TNIK: variants seen among roughly 807,000 people sequenced by gnomAD.
TNIK encodes TRAF2 and NCK interacting kinase, also known as TRAF2 and NCK-interacting protein kinase.
Under a neutral mutation model 191.3 loss-of-function variants are expected in TNIK, and 49 were observed. The observed-to-expected ratio is 0.26, with a 90% CI of 0.20 to 0.32. The LOEUF (loss-of-function observed/expected upper bound fraction) is 0.32, where lower values mean the gene tolerates loss of function less well. TNIK is among the 10% of genes least tolerant of loss of function. TNIK has a pLI of 1.00. For synonymous variants in TNIK, 594 were observed against 600.9 expected (o/e 0.99, Z 0.17); for missense variants, 1,155 against 1,702.3 (o/e 0.68, Z 5.66).
At chr3:171,446,099 T>C (rs1401879918) in intron 1 of TNIK, among the ~76,000 whole-genome samples, 1 of 152,214 alleles carries the variant, frequency 6.6e-6, no homozygotes, top group East Asian at 1.9e-4. Context: ...GAACTCTAAC[T>C]TTCCCATCAT....
intron 2 of TNIK, among the ~76,000 whole-genome samples, chr3:171,342,105 CAT>C (rs1757592938): frequency 6.6e-6 from 1 of 152,172 alleles, no homozygotes; most frequent in Non-Finnish European, 1.5e-5. Flanking sequence ...TTATGTTACT[CAT>C]ATAAATTACG....
At chr3:171,171,487 C>G (rs911684676) in intron 9 of TNIK, among the ~76,000 whole-genome samples, 1 of 152,226 alleles carries the variant, frequency 6.6e-6, no homozygotes, top group African/African-American at 2.4e-5. Context: ...TGGGCCTGCA[C>G]ACCTGCATCT....
chr3:171,221,352 C>A (rs1460740823), intron 3 of TNIK, among the ~76,000 whole-genome samples: 1 of 152,144 alleles, frequency 6.6e-6, no homozygotes, highest in Non-Finnish European at 1.5e-5. Context: ...ACCTGAAGGT[C>A]AAGCTCCCAA....
In TNIK at chr3:171,452,673, T is replaced by C. The variant is rs552692417; in HGVS notation, c.57+7334A>G. On this transcript the variant is annotated intron_variant, in intron 1 of 32. Coordinates refer to ENST00000436636, the MANE Select transcript of TNIK (RefSeq NM_015028.4). Reference sequence around the variant, plus strand: ...TTCCCGCCCATCTATTACTGTTTAATCAAAACAGCAGTCATAAGTATTATC... The same window carrying C: ...TTCCCGCCCATCTATTACTGTTTAACCAAAACAGCAGTCATAAGTATTATC... 2.0e-5 allele frequency among the ~76,000 whole-genome samples: 3 copies of C among 150,940 alleles called. No homozygotes were observed. The South Asian group carries it at 6.3e-4, about 32-fold the overall frequency.
rs927536202 is a variant in TNIK, at chr3:171,178,761, C to T, written c.640-1381G>A. ...AATATAGATATTTCATTTTAAATAC[C>T]TCATGCATTTTGTACATTTTTCAAA... On this transcript the variant is annotated intron_variant, in intron 7 of 32. Coordinates refer to ENST00000436636, the MANE Select transcript of TNIK (RefSeq NM_015028.4). 2.0e-5 allele frequency among the ~76,000 whole-genome samples: 3 copies of T among 152,184 alleles called. No individual in the cohort carries two copies. The South Asian group carries it at 6.2e-4, about 32-fold the overall frequency.
At chr3:171,392,287 T>C (rs1445256612) in intron 1 of TNIK, among the ~76,000 whole-genome samples, 5 of 152,140 alleles carry the variant, frequency 3.3e-5, no homozygotes, top group African/African-American at 1.2e-4. Context: ...GAAAACTGTA[T>C]ATTGAAAAGG....
chr3:171,157,514 G>A lies in TNIK; in HGVS notation c.1167C>T (p.Ala389=), dbSNP rs367602557. Residue 389 remains alanine, a synonymous_variant, in exon 12 of 33, where the codon GCC becomes GCT. Coordinates refer to ENST00000436636, the MANE Select transcript of TNIK (RefSeq NM_015028.4). The part of the protein sequence containing the change: ...ENEEHKRQLL[A]ERQKRIEEQK... ...GCTCCTCGATGCGCTTCTGACGCTC[G>A]GCCAGCAGCTGCCGCTTGTGCTCCT... The A allele has an allele frequency of 9.8e-5, 154 of 1,574,624 alleles. No homozygotes were observed. The African/African-American group carries it at 1.4e-3, about 14-fold the overall frequency.
At chr3:171,241,065 T>G (rs1194883242) in intron 2 of TNIK, among the ~76,000 whole-genome samples, 1 of 151,798 alleles carries the variant, frequency 6.6e-6, no homozygotes, top group East Asian at 1.9e-4. Flanking sequence ...AGTTCTGCTC[T>G]TGTTGCCCAG....
chr3:171,177,061 A>C (rs186751546), intron 8 of TNIK, among the ~76,000 whole-genome samples: 3 of 151,982 alleles, frequency 2.0e-5, no homozygotes, highest in East Asian at 3.9e-4. Context: ...TGATGTACAG[A>C]ATCTGTAAAA....
chr3:171,420,593 A>C (rs1312057549), intron 1 of TNIK, among the ~76,000 whole-genome samples: 1 of 152,186 alleles, frequency 6.6e-6, no homozygotes, highest in African/African-American at 2.4e-5. Flanking sequence ...CCCTATATAC[A>C]CAATTTTTTT....
intron 6 of TNIK, 30 bp downstream of exon 6, chr3:171,190,667 A>G (rs1015025978): frequency 4.6e-6 from 7 of 1,533,506 alleles, no homozygotes; most frequent in Non-Finnish European, 6.2e-6. Context: ...ACTTCCTGCA[A>G]TTCCAAGGCT....
At chr3:171,255,918 T>C (rs1023403519) in intron 2 of TNIK, among the ~76,000 whole-genome samples, 3 of 152,162 alleles carry the variant, frequency 2.0e-5, no homozygotes, top group Admixed American at 1.3e-4. Context: ...TGATTGTGGG[T>C]ATGGCTTAGT....
chr3:171,104,290 A>G (rs1220024976), intron 21 of TNIK, among the ~76,000 whole-genome samples: 2 of 152,136 alleles, frequency 1.3e-5, no homozygotes, highest in East Asian at 1.9e-4. Context: ...ACACAATCTA[A>G]TATTAACACC....
intron 28 of TNIK, among the ~76,000 whole-genome samples, chr3:171,071,910 T>C (rs1242957807): frequency 1.3e-5 from 2 of 152,176 alleles, no homozygotes; most frequent in Admixed American, 6.5e-5. Flanking sequence ...AAAGATGGAA[T>C]ATTAAGCATT....
chr3:171,156,769 G>C (rs1232786889), intron 12 of TNIK, among the ~76,000 whole-genome samples: 1 of 152,226 alleles, frequency 6.6e-6, no homozygotes, highest in African/African-American at 2.4e-5. Context: ...TTGCCCACAG[G>C]CTGGAGGACA....
intron 30 of TNIK, 57 bp from the exon 31 acceptor site, chr3:171,066,792 A>G: frequency 1.3e-6 from 2 of 1,553,342 alleles, no homozygotes; most frequent in Non-Finnish European, 1.7e-6. Context: ...CACCTTGACT[A>G]TTCATCTCTA....
At chr3:171,379,706 G>C (rs1272265500) in intron 1 of TNIK, among the ~76,000 whole-genome samples, 1 of 152,128 alleles carries the variant, frequency 6.6e-6, no homozygotes, top group Admixed American at 6.6e-5. Context: ...TTCTAAAAAA[G>C]TCTTTTAAGA....
intron 29 of TNIK, among the ~76,000 whole-genome samples, chr3:171,070,744 A>G (rs553721036): frequency 6.6e-6 from 1 of 152,324 alleles, no homozygotes; most frequent in South Asian, 2.1e-4. Flanking sequence ...AAACTAGGTC[A>G]TTTCTGTAAG....
At chr3:171,431,944 T>C (rs1725437551) in intron 1 of TNIK, among the ~76,000 whole-genome samples, 1 of 152,240 alleles carries the variant, frequency 6.6e-6, no homozygotes. Flanking sequence ...TGTGTGACAC[T>C]GGGAAATGAT....
Sources: gnomAD v4.1 joint callset for allele counts (sites outside exome capture counted in the v4.1 genomes callset) on GRCh38, gnomAD v4.1.1 for gene constraint, MANE v1.5 for transcripts, NCBI Gene and HGNC (gene_info 2026-07-23, HGNC 2026-07-21) for gene names.